The following DLGAP2 variants were observed in gnomAD, a reference collection of about 807,000 sequenced individuals.
The protein encoded by DLGAP2 is DLG associated protein 2.
A neutral mutation model predicts 100.3 loss-of-function variants in DLGAP2; 26 were observed. The observed-to-expected ratio is 0.26, with a 90% CI of 0.19 to 0.36. The LOEUF is 0.36. DLGAP2 is among the 10% of genes least tolerant of loss of function. The pLI is 1.00. For synonymous variants in DLGAP2, 886 were observed against 630.1 expected (o/e 1.41, Z -6.08); for missense variants, 1,858 against 1,453.2 (o/e 1.28, Z -4.53).
intron 2 of DLGAP2, among the ~76,000 whole-genome samples, chr8:1,050,725 A>G (rs894285718): frequency 5.3e-5 from 8 of 152,316 alleles, no homozygotes; most frequent in African/African-American, 1.9e-4. Context: ...ATTTTAAAGT[A>G]TCTTCTCCTT....
intron 3 of DLGAP2, among the ~76,000 whole-genome samples, chr8:1,330,426 GGGGACTGAGTTCTGGGT>G (rs1406524122): frequency 2.1e-5 from 3 of 140,244 alleles, no homozygotes; most frequent in Non-Finnish European, 4.6e-5. Flanking sequence ...ACCGCTTCGC[GGGGACTGAGTTCTGGGT>G]GGGACTGAGT....
chr8:1,294,920 A>G (rs770444529), intron 3 of DLGAP2, among the ~76,000 whole-genome samples: 8 of 151,630 alleles, frequency 5.3e-5, no homozygotes, highest in Non-Finnish European at 8.8e-5. Context: ...TTTGTTATGT[A>G]GCAGTTGATG....
rs138931350 is a variant in DLGAP2, at chr8:809,250, G to A, written c.18+71425G>A. On this transcript the variant is annotated intron_variant, in intron 1 of 14. Coordinates refer to ENST00000637795, the MANE Select transcript of DLGAP2 (RefSeq NM_001346810.2). ...TTATTTATACTCTCTGTATTAGCAC[G>A]TGGGCACACTTCGATGATTTACTGT... Among the ~76,000 whole-genome samples the A allele has an allele frequency of 3.4e-3, 520 of 152,234 alleles. 4 individuals are homozygous for A. Among genetic ancestry groups the A allele is most frequent in the African/African-American group, 0.012 (497 of 41,542 alleles).
chr8:797,860 C>T (rs555989920), intron 1 of DLGAP2, among the ~76,000 whole-genome samples: 3 of 152,286 alleles, frequency 2.0e-5, no homozygotes, highest in South Asian at 2.1e-4. Flanking sequence ...AAGCAATTCT[C>T]CTGCTTCAGC....
intron 3 of DLGAP2, among the ~76,000 whole-genome samples, chr8:1,285,699 T>A (rs575978938): frequency 1.3e-5 from 2 of 152,386 alleles, no homozygotes; most frequent in South Asian, 4.1e-4. Flanking sequence ...TCTATTTTTC[T>A]GGCTCATGCC....
At chr8:1,519,564 C>T (rs140700588) in intron 4 of DLGAP2, among the ~76,000 whole-genome samples, 75 of 152,364 alleles carry the variant, frequency 4.9e-4, no homozygotes, top group African/African-American at 1.7e-3. Context: ...TGACCCTGAT[C>T]CCCTTGTTTA....
At chr8:941,567 A>G (rs1254464321) in intron 2 of DLGAP2, among the ~76,000 whole-genome samples, 3 of 152,068 alleles carry the variant, frequency 2.0e-5, no homozygotes, top group Non-Finnish European at 4.4e-5. Flanking sequence ...CCCTTTCTCC[A>G]CAGGCGCTAT....
chr8:1,247,010 G>C, intron 2 of DLGAP2: 1 of 174,218 alleles, frequency 5.7e-6, no homozygotes, highest in African/African-American at 2.4e-5. Flanking sequence ...CAAGACCTTT[G>C]AGATCAGTGT....
chr8:918,081 G>T (rs113743231), intron 2 of DLGAP2, among the ~76,000 whole-genome samples: 183 of 152,252 alleles, frequency 1.2e-3, no homozygotes, highest in African/African-American at 4.0e-3. Flanking sequence ...TGGGAGCTAC[G>T]GGTGTAAAAT....
At chr8:1,223,049 C>G (rs1246075799) in intron 2 of DLGAP2, among the ~76,000 whole-genome samples, 1 of 152,174 alleles carries the variant, frequency 6.6e-6, no homozygotes, top group Non-Finnish European at 1.5e-5. Context: ...TCCTTGGGCA[C>G]TTCTCCCTGC....
intron 2 of DLGAP2, among the ~76,000 whole-genome samples, chr8:965,123 G>A (rs1350142457): frequency 6.0e-4 from 88 of 147,544 alleles, no homozygotes; most frequent in African/African-American, 2.0e-3. Context: ...CCCGACCCCC[G>A]CATGCACACG....
At chr8:1,004,316 A>G (rs1323158131) in intron 2 of DLGAP2, among the ~76,000 whole-genome samples, 1 of 152,214 alleles carries the variant, frequency 6.6e-6, no homozygotes, top group Non-Finnish European at 1.5e-5. Context: ...CTTAACCAGC[A>G]TTTGGCCACT....
At chr8:1,625,988 T>G (rs1021264751) in intron 6 of DLGAP2, among the ~76,000 whole-genome samples, 1 of 148,314 alleles carries the variant, frequency 6.7e-6, no homozygotes, top group Non-Finnish European at 1.5e-5. Flanking sequence ...AGCCTCTGGG[T>G]GTGGGTTGGA....
chr8:1,070,762 T>A (rs1803403547), intron 2 of DLGAP2, among the ~76,000 whole-genome samples: 1 of 152,184 alleles, frequency 6.6e-6, no homozygotes, highest in African/African-American at 2.4e-5. Context: ...AATGAATGAA[T>A]GATTGTGCAC....
At chr8:995,436 C>T (rs1447634347) in intron 2 of DLGAP2, among the ~76,000 whole-genome samples, 1 of 152,144 alleles carries the variant, frequency 6.6e-6, no homozygotes, top group Non-Finnish European at 1.5e-5. Flanking sequence ...GATTTATATT[C>T]CACACAATCA....
intron 3 of DLGAP2, among the ~76,000 whole-genome samples, chr8:1,309,978 C>T (rs1472046693): frequency 6.6e-6 from 1 of 151,154 alleles, no homozygotes; most frequent in African/African-American, 2.4e-5. Context: ...GCCTGTAATC[C>T]CAGCTACTTG....
intron 8 of DLGAP2, among the ~76,000 whole-genome samples, chr8:1,667,006 G>A (rs760631570): frequency 1.3e-5 from 2 of 152,196 alleles, no homozygotes; most frequent in Non-Finnish European, 2.9e-5. Flanking sequence ...CCCTCCAGGA[G>A]ACGCCCACGT....
At chr8:948,722 C>T (rs1026803048) in intron 2 of DLGAP2, among the ~76,000 whole-genome samples, 4 of 152,260 alleles carry the variant, frequency 2.6e-5, no homozygotes, top group Admixed American at 2.6e-4. Context: ...GCCCAGGCCA[C>T]CCTTCTCACT....
At chr8:1,002,958 A>G (rs140034296) in intron 2 of DLGAP2, 1 of 152,350 alleles carries the variant, frequency 6.6e-6, no homozygotes, top group East Asian at 1.9e-4. Flanking sequence ...GCCTCCTGGG[A>G]TAAAAATCCT....
Sources: gnomAD v4.1 joint callset for allele counts (sites outside exome capture counted in the v4.1 genomes callset) on GRCh38, gnomAD v4.1.1 for gene constraint, MANE v1.5 for transcripts, NCBI Gene and HGNC (gene_info 2026-07-23, HGNC 2026-07-21) for gene names.